RYR3: variants seen among roughly 807,000 people sequenced by gnomAD.
RYR3 encodes ryanodine receptor 3.
Under a neutral mutation model 584.3 loss-of-function variants are expected in RYR3, and 207 were observed. The observed-to-expected ratio is 0.35, with a 90% CI of 0.32 to 0.40. The LOEUF is 0.40. RYR3 is among the 10% of genes least tolerant of loss of function. RYR3 has a pLI of 1.00. For missense variants in RYR3, 5,616 were observed against 6,089.2 expected, an observed-to-expected ratio of 0.92 and a Z score of 2.59; for synonymous variants, 2,416 against 2,248.5, an observed-to-expected ratio of 1.07 and a Z score of -2.11.
intron 9 of RYR3, among the ~76,000 whole-genome samples, chr15:33,548,991 A>G (rs1220551872): frequency 6.6e-6 from 1 of 152,118 alleles, no homozygotes; most frequent in Non-Finnish European, 1.5e-5. Context: ...ATGCCCCCCA[A>G]GGGCTCCTGA....
intron 1 of RYR3, among the ~76,000 whole-genome samples, chr15:33,314,254 C>T (rs1967767978): frequency 6.6e-6 from 1 of 152,174 alleles, no homozygotes; most frequent in South Asian, 2.1e-4. Context: ...AAAATTTTCC[C>T]TCCCACTGCT....
intron 1 of RYR3, among the ~76,000 whole-genome samples, chr15:33,462,413 C>T (rs2142085032): frequency 6.6e-6 from 1 of 152,234 alleles, no homozygotes; most frequent in South Asian, 2.1e-4. Context: ...GTATGAGGCG[C>T]TACAAGTAGA....
intron 69 of RYR3, among the ~76,000 whole-genome samples, chr15:33,802,614 C>T (rs1010296334): frequency 2.0e-5 from 3 of 152,178 alleles, no homozygotes; most frequent in African/African-American, 7.2e-5. Context: ...CCTCCTCTTG[C>T]GTCGGCTCTG....
Position 33,801,764 on chromosome 15 carries a change from G to A in RYR3, c.9919-105G>A, listed in dbSNP as rs548103117. ...TTTCACGTGTCTTTGGAATCACCTC[G>A]GCTGAGAGGAGGGGTCTATTCCGTT... On this transcript the variant is annotated intron_variant, in intron 68 of 103. Transcript: ENST00000634891. The A allele has an allele frequency of 1.9e-4, 122 of 639,484 alleles. 1 individual carries two copies. The highest frequency in any genetic ancestry group is 1.3e-3 in the African/African-American group (69 of 54,380). 39.6% of individuals were successfully genotyped at this position (639,484 alleles called of 1,614,324 possible). A position where few individuals can be genotyped will look rare whatever the true frequency, so the allele number is the denominator to read the frequency against.
At chr15:33,812,447 A>T (rs1217628482) in intron 72 of RYR3, among the ~76,000 whole-genome samples, 1 of 152,232 alleles carries the variant, frequency 6.6e-6, no homozygotes, top group African/African-American at 2.4e-5. Context: ...CAATAATTGG[A>T]TGTTATATTT....
intron 16 of RYR3, among the ~76,000 whole-genome samples, chr15:33,599,786 T>A (rs1431058926): frequency 6.6e-6 from 1 of 152,144 alleles, no homozygotes; most frequent in Non-Finnish European, 1.5e-5. Context: ...CCTGAAGGAG[T>A]GTCTCCTAAA....
Position 33,863,666 on chromosome 15 carries a change from A to G in RYR3, c.14466-472A>G, listed in dbSNP as rs535753688. Among the ~76,000 whole-genome samples, 7 of 152,212 alleles carry G rather than the reference A, an allele frequency of 4.6e-5. No individual in the cohort carries two copies. In the South Asian group the frequency reaches 1.4e-3, roughly 32 times the overall value. On this transcript the variant is annotated intron_variant, in intron 102 of 103. Transcript: ENST00000634891. ...AGCTATTTATGATGAAAACAAAACT[A>G]TAGTTCTGGAAGAATCTCCATGAGA... is the stretch of plus-strand genomic sequence containing the variant.
intron 3 of RYR3, among the ~76,000 whole-genome samples, chr15:33,508,238 A>C (rs764732690): frequency 6.6e-6 from 1 of 152,234 alleles, no homozygotes; most frequent in Non-Finnish European, 1.5e-5. Flanking sequence ...ATAAAAATAT[A>C]AAACTAATTG....
At position 33,663,572 on chromosome 15, in the gene RYR3, G is replaced by A; in HGVS notation, c.5454G>A (p.Glu1818=). ...TCCTCAGCTATCTCTGCGACTGTGA[G>A]CTGCAGCACCGAGTGGAGGCCATTG... The part of the protein sequence containing the change: ...CELLSYLCDC[E]LQHRVEAIVA... The change falls in exon 36 of 104, where the codon GAG becomes GAA. Residue 1818 remains glutamate (E), a synonymous_variant. Transcript: ENST00000634891. 1 of 1,613,902 alleles carries A rather than the reference G, an allele frequency of 6.2e-7. No individual in the cohort carries two copies. Among genetic ancestry groups the A allele is most frequent in the Non-Finnish European group, 8.5e-7 (1 of 1,179,858 alleles).
At chr15:33,558,612 A>G (rs2057232626) in intron 10 of RYR3, among the ~76,000 whole-genome samples, 1 of 152,180 alleles carries the variant, frequency 6.6e-6, no homozygotes, top group South Asian at 2.1e-4. Context: ...GTATTGTGGA[A>G]GACAGTGTGG....
chr15:33,313,065 C>T (rs750926401), intron 1 of RYR3, among the ~76,000 whole-genome samples: 26 of 152,106 alleles, frequency 1.7e-4, no homozygotes, highest in Non-Finnish European at 2.5e-4. Context: ...TGGCTTAGAG[C>T]GAGTGATGGT....
Position 33,566,658 on chromosome 15 carries a change from G to A in RYR3, c.1147-20G>A, listed in dbSNP as rs140180600. On this transcript the variant is annotated intron_variant, in intron 11 of 103. Coordinates refer to ENST00000634891, the MANE Select transcript of RYR3 (RefSeq NM_001036.6). ...GGAATAATTGTAACCTAGAGCTCCC[G>A]TCCCTTGCCCTGTGGGTAGGTCATA... is the stretch of plus-strand genomic sequence containing the variant. The A allele has an allele frequency of 8.9e-4, 1,436 of 1,613,208 alleles. 3 individuals carry two copies. Among genetic ancestry groups the A allele is most frequent in the Middle Eastern group, 2.8e-3 (17 of 6,054 alleles).
intron 1 of RYR3, among the ~76,000 whole-genome samples, chr15:33,453,688 T>C (rs1030444523): frequency 6.6e-6 from 1 of 152,232 alleles, no homozygotes; most frequent in African/African-American, 2.4e-5. Flanking sequence ...TTTGTGTTTC[T>C]GCAACAGTTG....
intron 5 of RYR3, 55 bp from the exon 6 acceptor site, chr15:33,539,295 A>C: frequency 8.4e-7 from 1 of 1,193,658 alleles, no homozygotes; most frequent in South Asian, 1.3e-5. Flanking sequence ...AAGGAGCAAA[A>C]TTAGGGACAC....
At chr15:33,471,531 A>G (rs2048928830) in intron 1 of RYR3, among the ~76,000 whole-genome samples, 1 of 151,306 alleles carries the variant, frequency 6.6e-6, no homozygotes, top group South Asian at 2.1e-4. Flanking sequence ...GAGAATTGAG[A>G]TCTTGAAAAG....
intron 49 of RYR3, among the ~76,000 whole-genome samples, chr15:33,738,118 G>C (rs1327507775): frequency 1.3e-5 from 2 of 152,156 alleles, no homozygotes; most frequent in Non-Finnish European, 2.9e-5. Context: ...TGACTGGCTA[G>C]AACAGCTCAC....
At chr15:33,397,156 G>T (rs545445210) in intron 1 of RYR3, among the ~76,000 whole-genome samples, 3 of 152,196 alleles carry the variant, frequency 2.0e-5, no homozygotes, top group Non-Finnish European at 4.4e-5. Context: ...GTTACAACCT[G>T]TAAGGTGCCC....
rs560733583 is a variant in RYR3, at chr15:33,530,252, A to T, written c.280-340A>T. On this transcript the variant is annotated intron_variant, in intron 3 of 103. Transcript: ENST00000634891. ...TACATCACATTTGTTTCTCTCTCTC[A>T]CTCTGAACGCTTCTGAGAAGTTTCA... Among the ~76,000 whole-genome samples the T allele has an allele frequency of 4.0e-5, 6 of 151,656 alleles. No homozygotes were observed. The South Asian group carries it at 6.3e-4, about 16-fold the overall frequency.
At chr15:33,813,380 G>T (rs999582676) in intron 73 of RYR3, 87 bp from the exon 74 acceptor site, 21 of 1,174,870 alleles carry the variant, frequency 1.8e-5, no homozygotes, top group Non-Finnish European at 2.4e-5. Context: ...AATTCTTCCA[G>T]AATGAAGAAG....
Sources: gnomAD v4.1 joint callset for allele counts (sites outside exome capture counted in the v4.1 genomes callset) on GRCh38, gnomAD v4.1.1 for gene constraint, MANE v1.5 for transcripts, NCBI Gene and HGNC (gene_info 2026-07-23, HGNC 2026-07-21) for gene names.